The following AKAP13 variants were observed in gnomAD, a reference collection of about 807,000 sequenced individuals.
AKAP13 encodes the protein A-kinase anchoring protein 13.
AKAP13 carries 80 observed loss-of-function variants against 264.5 expected under a neutral mutation model. The ratio of observed to expected loss-of-function variants is 0.30; its 90% CI spans 0.25 to 0.36. The LOEUF (loss-of-function observed/expected upper bound fraction) is 0.36. Among genes scored for constraint, AKAP13 ranks in the 10% least tolerant of loss-of-function variants. The pLI, the probability that AKAP13 is intolerant of heterozygous loss-of-function variation, is 1.00. For synonymous variants in AKAP13, 1,380 were observed against 1,250.2 expected, an observed-to-expected ratio of 1.10 and a Z score of -2.19; for missense variants, 3,712 against 3,435.2, an observed-to-expected ratio of 1.08 and a Z score of -2.01.
In AKAP13 at chr15:85,583,107, CCTGTTACCAG is replaced by C. The variant is rs1382026034; in HGVS notation, c.4039+1005_4039+1014del. ...TTTGATGCACACTTCTATACCACCA[CCTGTTACCAG>C]CTGTAGACAGAAGACCTATCTCCAT... is the stretch of plus-strand genomic sequence containing the variant. On this transcript the variant is annotated intron_variant, in intron 7 of 36. Transcript: ENST00000394518. The C allele has an allele frequency of 4.1e-6, 4 of 985,330 alleles. No individual in the cohort carries two copies. The African/African-American group carries it at 7.0e-5, about 17-fold the overall frequency. 61.0% of individuals were successfully genotyped at this position (985,330 alleles called of 1,614,324 possible).
intron 2 of AKAP13, among the ~76,000 whole-genome samples, chr15:85,508,309 A>C (rs996625103): frequency 6.6e-6 from 1 of 151,698 alleles, no homozygotes; most frequent in African/African-American, 2.4e-5. Context: ...TGTCTGGCTA[A>C]TTTTTGTATT....
intron 1 of AKAP13, among the ~76,000 whole-genome samples, chr15:85,446,695 C>CTTCTTT (rs1328382546): frequency 4.8e-5 from 7 of 145,158 alleles, no homozygotes; most frequent in Non-Finnish European, 1.0e-4. Context: ...TTGCCCAGCC[C>CTTCTTT]TTCTTTTTCT....
intron 14 of AKAP13, among the ~76,000 whole-genome samples, chr15:85,679,617 T>C (rs905082186): frequency 6.6e-6 from 1 of 152,218 alleles, no homozygotes; most frequent in African/African-American, 2.4e-5. Flanking sequence ...CAGCACTGTA[T>C]ACAACATTTC....
At chr15:85,617,340 T>G (rs1321291867) in intron 8 of AKAP13, among the ~76,000 whole-genome samples, 1 of 152,170 alleles carries the variant, frequency 6.6e-6, no homozygotes, top group African/African-American at 2.4e-5. Flanking sequence ...GCCTCCGAGG[T>G]TCAAACGATT....
chr15:85,660,093 C>T (rs2083269124), intron 12 of AKAP13, among the ~76,000 whole-genome samples: 1 of 152,126 alleles, frequency 6.6e-6, no homozygotes, highest in South Asian at 2.1e-4. Context: ...TGGCTCACGC[C>T]TGTAATCCCA....
Position 85,413,214 on chromosome 15 carries a change from C to T in AKAP13, c.-12+32416C>T, listed in dbSNP as rs953115999. On this transcript the variant is annotated intron_variant, in intron 1 of 36. Coordinates refer to ENST00000394518, the MANE Select transcript of AKAP13 (RefSeq NM_007200.5). ...GATCCTGCGCATGTTTTCTTTTTAT[C>T]CCAGGTCACGTAGTCTTGTACTGTT... Among the ~76,000 whole-genome samples the T allele has an allele frequency of 2.6e-5, 4 of 152,280 alleles. No individual in the cohort carries two copies. The South Asian group carries it at 6.2e-4, about 24-fold the overall frequency.
intron 1 of AKAP13, among the ~76,000 whole-genome samples, chr15:85,430,681 G>A (rs533645557): frequency 1.6e-4 from 24 of 152,168 alleles, no homozygotes; most frequent in African/African-American, 5.3e-4. Context: ...TTACTCTTTG[G>A]CCTTCTTCAT....
At chr15:85,646,785 A>G (rs576125704) in intron 10 of AKAP13, among the ~76,000 whole-genome samples, 2 of 152,302 alleles carry the variant, frequency 1.3e-5, no homozygotes, top group South Asian at 2.1e-4. Context: ...ACATTTGCAT[A>G]TAATTGGAGG....
At chr15:85,412,714 A>G (rs1379695855) in intron 1 of AKAP13, among the ~76,000 whole-genome samples, 3 of 152,248 alleles carry the variant, frequency 2.0e-5, no homozygotes, top group Admixed American at 1.3e-4. Flanking sequence ...ATTATAGCTT[A>G]CAATGGATTG....
chr15:85,660,187 T>C (rs1037399064), intron 12 of AKAP13, among the ~76,000 whole-genome samples: 1 of 151,954 alleles, frequency 6.6e-6, no homozygotes, highest in African/African-American at 2.4e-5. Flanking sequence ...ACCTCATCTC[T>C]ACTAAAAACA....
Position 85,735,166 on chromosome 15 carries a change from T to C in AKAP13, c.7441+16T>C. The C allele has an allele frequency of 6.2e-7, 1 of 1,610,456 alleles. No individual in the cohort carries two copies. The highest frequency in any genetic ancestry group is 8.5e-7 in the Non-Finnish European group (1 of 1,178,168). ...GCTTCAAAAGGTAAATGATGTGAAGTCATGAGCTTTTATAGGCAATCCTTG... is the reference window on the plus strand; with the variant it reads ...GCTTCAAAAGGTAAATGATGTGAAGCCATGAGCTTTTATAGGCAATCCTTG... On this transcript the variant is annotated intron_variant, in intron 31 of 36. Transcript: ENST00000394518.
At chr15:85,440,522 A>T (rs556337880) in intron 1 of AKAP13, among the ~76,000 whole-genome samples, 1 of 152,212 alleles carries the variant, frequency 6.6e-6, no homozygotes, top group Non-Finnish European at 1.5e-5. Flanking sequence ...TGTCAAATAG[A>T]TAAAGGAGCT....
Position 85,684,871 on chromosome 15 carries a change from A to G in AKAP13, c.5287A>G (p.Lys1763Glu). The G allele has an allele frequency of 6.2e-7, 1 of 1,613,864 alleles. No individual in the cohort carries two copies. Among genetic ancestry groups the G allele is most frequent in the Non-Finnish European group, 8.5e-7 (1 of 1,179,972 alleles). Residue 1763 changes from lysine to glutamate, a missense_variant and splice_region_variant, in exon 16 of 37, where the codon AAA becomes GAA. Physicochemically the swap from Lys to Glu is moderately conservative, Grantham distance 56. This residue lies in a region of AKAP13 where 2,759 missense variants were observed against 2,411.7 expected (regional missense o/e 1.14). Coordinates refer to ENST00000394518, the MANE Select transcript of AKAP13 (RefSeq NM_007200.5). ...TAAAATGTCTAGCAGCAAGAAGAGCAAAGTGAGTATCACTGTGGGCATTGC... is the reference window on the plus strand; with the variant it reads ...TAAAATGTCTAGCAGCAAGAAGAGCGAAGTGAGTATCACTGTGGGCATTGC... ...KNKMSSSKKS[K>E]EKEKEKDKIK...
Position 85,575,224 on chromosome 15 carries a change from C to A in AKAP13, c.756C>A (p.Ile252=), listed in dbSNP as rs1389258084. The change falls in exon 6 of 37, where the codon ATC becomes ATA. Residue 252 remains isoleucine (I), a synonymous_variant. Coordinates refer to ENST00000394518, the MANE Select transcript of AKAP13 (RefSeq NM_007200.5). The part of the protein sequence containing the change: ...CSVRHHRELD[I]YTLTSESDSH... ...TGAGGCATCATCGAGAGTTGGACAT[C>A]TATACATTAACCTCTGAGTCTGATT... 1 of 1,614,132 alleles carries A rather than the reference C, an allele frequency of 6.2e-7. No homozygotes were observed. Among genetic ancestry groups the A allele is most frequent in the Admixed American group, 1.7e-5 (1 of 60,024 alleles).
chr15:85,650,019 T>C (rs967391111), intron 10 of AKAP13, among the ~76,000 whole-genome samples: 1 of 152,182 alleles, frequency 6.6e-6, no homozygotes, highest in Non-Finnish European at 1.5e-5. Flanking sequence ...GAATGACTTA[T>C]ATAAGATACA....
chr15:85,516,075 A>G (rs2076588024), intron 2 of AKAP13, among the ~76,000 whole-genome samples: 1 of 152,224 alleles, frequency 6.6e-6, no homozygotes, highest in South Asian at 2.1e-4. Flanking sequence ...AATAACTGCC[A>G]TTAAAGTTTT....
At chr15:85,703,704 G>C (rs1034484286) in intron 17 of AKAP13, among the ~76,000 whole-genome samples, 1 of 151,978 alleles carries the variant, frequency 6.6e-6, no homozygotes, top group Admixed American at 6.6e-5. Context: ...TTAGTCAGGC[G>C]TAGTGGCATG....
At chr15:85,409,965 T>G (rs2071881376) in intron 1 of AKAP13, among the ~76,000 whole-genome samples, 1 of 151,660 alleles carries the variant, frequency 6.6e-6, no homozygotes, top group African/African-American at 2.4e-5. Context: ...GAACCTTAAA[T>G]TATAAGGGAG....
chr15:85,576,145 C>T (rs2079004378), intron 6 of AKAP13, among the ~76,000 whole-genome samples: 1 of 152,064 alleles, frequency 6.6e-6, no homozygotes, highest in African/African-American at 2.4e-5. Flanking sequence ...TAATGGAAGA[C>T]ACACATTTCA....
Sources: gnomAD v4.1 joint callset for allele counts (sites outside exome capture counted in the v4.1 genomes callset) on GRCh38, gnomAD v4.1.1 for gene constraint, gnomAD v4.1.1 regional missense constraint, MANE v1.5 for transcripts, NCBI Gene and HGNC (gene_info 2026-07-23, HGNC 2026-07-21) for gene names.